Variants in NAE1 observed in about 807,000 individuals in gnomAD.
The protein encoded by NAE1 is NEDD8-activating enzyme E1 regulatory subunit.
In NAE1, 59 loss-of-function variants were observed where a neutral mutation model predicts 88.0. The ratio of observed to expected loss-of-function variants is 0.67; its 90% CI spans 0.54 to 0.83. NAE1 has a LOEUF of 0.83. Ranked by LOEUF, NAE1 falls within the 40% of genes least tolerant of loss-of-function variation. NAE1 has a pLI of 0.00. For synonymous variants in NAE1, 186 were observed against 208.9 expected, an observed-to-expected ratio of 0.89 and a Z score of 0.95; for missense variants, 554 against 632.8, an observed-to-expected ratio of 0.88 and a Z score of 1.34.
intron 19 of NAE1, among the ~76,000 whole-genome samples, chr16:66,805,312 G>A (rs908800995): frequency 6.6e-6 from 1 of 152,050 alleles, no homozygotes; most frequent in Non-Finnish European, 1.5e-5. Context: ...GTGGGGCAGA[G>A]GGTTAGTAAA....
At chr16:66,829,799 C>G (rs1165992156) in intron 1 of NAE1, among the ~76,000 whole-genome samples, 1 of 152,230 alleles carries the variant, frequency 6.6e-6, no homozygotes, top group Non-Finnish European at 1.5e-5. Context: ...AAGGTAGCTG[C>G]TAGCCACATG....
Position 66,821,312 on chromosome 16 carries a change from T to C in NAE1, c.511+138A>G, listed in dbSNP as rs191385330. The C allele has an allele frequency of 6.7e-5, 75 of 1,120,856 alleles. 2 individuals carry two copies. The Admixed American group carries it at 1.9e-3, about 28-fold the overall frequency. 69.4% of individuals were successfully genotyped at this position (1,120,856 alleles called of 1,614,324 possible). A position where few individuals can be genotyped will look rare whatever the true frequency, so the allele number is the denominator to read the frequency against. ...GTAGATTGCAGCCTATTGAATCTGA[T>C]TGCCACTTTGAATCTGCAACTAGAG... On this transcript the variant is annotated intron_variant, in intron 7 of 19. Coordinates refer to ENST00000290810, the MANE Select transcript of NAE1 (RefSeq NM_003905.4).
At chr16:66,824,801 AAC>A in intron 4 of NAE1, 52 bp downstream of exon 4, 1 of 1,495,510 alleles carries the variant, frequency 6.7e-7, no homozygotes. Flanking sequence ...AAGCAATCAA[AAC>A]ACAGGGGCAT....
intron 1 of NAE1, among the ~76,000 whole-genome samples, 181 bp downstream of exon 1, chr16:66,830,666 C>T (rs1047697133): frequency 1.3e-5 from 2 of 152,220 alleles, no homozygotes; most frequent in Non-Finnish European, 2.9e-5. Context: ...TCCCAGCCCT[C>T]GCGGAGCACC....
At chr16:66,806,825 T>A (rs1959585810) in intron 17 of NAE1, among the ~76,000 whole-genome samples, 1 of 152,194 alleles carries the variant, frequency 6.6e-6, no homozygotes, top group Non-Finnish European at 1.5e-5. Context: ...TATGTATAGT[T>A]ATCTCCATTT....
chr16:66,807,027 G>A (rs548268047), intron 17 of NAE1, among the ~76,000 whole-genome samples: 3 of 152,196 alleles, frequency 2.0e-5, no homozygotes, highest in Non-Finnish European at 4.4e-5. Context: ...CTGACCAGCC[G>A]CCAGCTATTC....
At chr16:66,821,660 C>A in intron 6 of NAE1, 101 bp from the exon 7 acceptor site, 1 of 985,160 alleles carries the variant, frequency 1.0e-6, no homozygotes, top group Non-Finnish European at 1.4e-6. Context: ...AACTTTCTTA[C>A]TAAATAATAG....
At chr16:66,826,974 G>A (rs1960486839) in intron 1 of NAE1, among the ~76,000 whole-genome samples, 194 bp from the exon 2 acceptor site, 1 of 152,136 alleles carries the variant, frequency 6.6e-6, no homozygotes, top group Non-Finnish European at 1.5e-5. Context: ...GAATGGTTAG[G>A]GGAAAAGAGG....
chr16:66,825,506 A>G (rs895693129), intron 3 of NAE1, among the ~76,000 whole-genome samples: 1 of 152,114 alleles, frequency 6.6e-6, no homozygotes, highest in African/African-American at 2.4e-5. Flanking sequence ...TTGGAAATTC[A>G]TAATACACAT....
rs1409468900 is a variant in NAE1, at chr16:66,809,069, T to C, written c.1157A>G (p.Asn386Ser). 6.2e-7 allele frequency: 1 copy of C among 1,610,932 alleles called. No individual in the cohort carries two copies. The highest frequency in any genetic ancestry group is 1.7e-5 in the Admixed American group (1 of 59,758). Reference sequence around the variant, plus strand: ...TCTTACCACTCGAAGAAATGCAGAATTGCTGCCTGAACAGAGGAAAGATAT... The same window carrying C: ...TCTTACCACTCGAAGAAATGCAGAACTGCTGCCTGAACAGAGGAAAGATAT... ...SEKELKLLCS[N>S]SAFLRVVRCR... Residue 386 changes from asparagine to serine, a missense_variant, in exon 16 of 20, where the codon AAT becomes AGT. By Grantham distance (46) the Asn-to-Ser change is conservative. Coordinates refer to ENST00000290810, the MANE Select transcript of NAE1 (RefSeq NM_003905.4).
chr16:66,821,359 T>C, intron 7 of NAE1, 91 bp downstream of exon 7: 2 of 1,372,722 alleles, frequency 1.5e-6, no homozygotes, highest in Non-Finnish European at 1.9e-6. Flanking sequence ...CAAATTTACT[T>C]TGTAATTTAA....
intron 6 of NAE1, among the ~76,000 whole-genome samples, chr16:66,822,022 C>T (rs546931139): frequency 6.6e-6 from 1 of 152,134 alleles, no homozygotes; most frequent in East Asian, 1.9e-4. Flanking sequence ...AGCAGGCACA[C>T]CATCTGGCTA....
intron 11 of NAE1, among the ~76,000 whole-genome samples, chr16:66,814,894 C>G (rs985813909): frequency 2.0e-5 from 3 of 152,158 alleles, no homozygotes; most frequent in Non-Finnish European, 4.4e-5. Context: ...ACACTTCACT[C>G]CAATCACACT....
At chr16:66,824,319 G>A (rs1057346256) in intron 4 of NAE1, among the ~76,000 whole-genome samples, 6 of 152,126 alleles carry the variant, frequency 3.9e-5, no homozygotes, top group Non-Finnish European at 8.8e-5. Flanking sequence ...TAGGCTGGGC[G>A]TGGTGGCTCA....
intron 6 of NAE1, among the ~76,000 whole-genome samples, chr16:66,822,059 G>C (rs918839265): frequency 1.3e-5 from 2 of 152,014 alleles, no homozygotes; most frequent in Non-Finnish European, 2.9e-5. Context: ...TAGACACAAG[G>C]TTTTGCCATG....
In NAE1 at chr16:66,816,600, G is replaced by C. The variant is rs1166712361; in HGVS notation, c.821C>G (p.Thr274Arg). ...NFEEAIKNVN[T>R]ALNTTQIPSS... ...CATTACCTGAGTTGTATTTAGTGCT[G>C]TGTTCACATTTTTAATAGCTTCTTC... Residue 274 changes from threonine (T) to arginine (R), a missense_variant, in exon 11 of 20, where the codon ACA becomes AGA. Thr to Arg is a moderately conservative substitution (Grantham distance 71). Coordinates refer to ENST00000290810, the MANE Select transcript of NAE1 (RefSeq NM_003905.4). 6.2e-7 allele frequency: 1 copy of C among 1,610,724 alleles called. No individual in the cohort carries two copies. Among genetic ancestry groups the C allele is most frequent in the Non-Finnish European group, 8.5e-7 (1 of 1,177,558 alleles).
intron 6 of NAE1, among the ~76,000 whole-genome samples, chr16:66,822,665 TATTTA>T (rs1960313074): frequency 6.7e-6 from 1 of 149,792 alleles, no homozygotes; most frequent in South Asian, 2.1e-4. Flanking sequence ...TTTATTTATT[TATTTA>T]TTTATTTTTT....
Position 66,829,930 on chromosome 16 carries a change from G to A in NAE1, c.53+917C>T, listed in dbSNP as rs1960625350. ...TGACGGAGTCTCGCTCTGTCACCCAGGCTGGAGTGCAGTGGCACGATCTCG... is the reference window on the plus strand; with the variant it reads ...TGACGGAGTCTCGCTCTGTCACCCAAGCTGGAGTGCAGTGGCACGATCTCG... On this transcript the variant is annotated intron_variant, in intron 1 of 19. Coordinates refer to ENST00000290810, the MANE Select transcript of NAE1 (RefSeq NM_003905.4). 2.0e-5 allele frequency among the ~76,000 whole-genome samples: 3 copies of A among 152,198 alleles called. No homozygotes were observed. In the South Asian group the frequency reaches 6.2e-4, roughly 32 times the overall value.
chr16:66,815,204 C>T (rs142561294), intron 11 of NAE1, among the ~76,000 whole-genome samples: 275 of 152,304 alleles, frequency 1.8e-3, no homozygotes, highest in Non-Finnish European at 3.1e-3. Context: ...CTATTAGAAT[C>T]TTTTCTTTTC....
Sources: gnomAD v4.1 joint callset for allele counts (sites outside exome capture counted in the v4.1 genomes callset) on GRCh38, gnomAD v4.1.1 for gene constraint, MANE v1.5 for transcripts, NCBI Gene and HGNC (gene_info 2026-07-23, HGNC 2026-07-21) for gene names.